Variants in ATP8A2 observed in about 807,000 individuals in gnomAD.
ATP8A2 encodes the protein phospholipid-transporting ATPase IB.
In ATP8A2, 100 loss-of-function variants were observed where a neutral mutation model predicts 165.6. That is an observed-to-expected ratio of 0.60 (90% confidence interval 0.51 to 0.71). The LOEUF (loss-of-function observed/expected upper bound fraction) is 0.71, where lower values mean the gene tolerates loss of function less well. Among genes scored for constraint, ATP8A2 ranks in the 30% least tolerant of loss-of-function variants. The pLI is 0.00. For synonymous variants in ATP8A2, 543 were observed against 548.8 expected (o/e 0.99, Z 0.15); for missense variants, 1,227 against 1,479.5 (o/e 0.83, Z 2.80).
At chr13:25,738,948 C>T (rs769130775) in intron 25 of ATP8A2, among the ~76,000 whole-genome samples, 9 of 152,190 alleles carry the variant, frequency 5.9e-5, no homozygotes, top group Non-Finnish European at 1.0e-4. Flanking sequence ...CAGAAGTCAA[C>T]TTATCCTTGT....
intron 24 of ATP8A2, among the ~76,000 whole-genome samples, chr13:25,643,136 A>G (rs1224577198): frequency 6.6e-6 from 1 of 152,212 alleles, no homozygotes; most frequent in Non-Finnish European, 1.5e-5. Flanking sequence ...TGGGCGCAGC[A>G]CACCAACATG....
intron 33 of ATP8A2, among the ~76,000 whole-genome samples, chr13:25,869,815 G>T (rs1352008136): frequency 6.6e-6 from 1 of 152,214 alleles, no homozygotes; most frequent in East Asian, 1.9e-4. Context: ...TAGTGTCTAG[G>T]GGTGAATGTT....
intron 1 of ATP8A2, among the ~76,000 whole-genome samples, chr13:25,403,642 C>T (rs1261422012): frequency 6.6e-6 from 1 of 152,306 alleles, no homozygotes; most frequent in East Asian, 1.9e-4. Flanking sequence ...GTGGTTGCCT[C>T]TATCTGTGTG....
chr13:25,799,718 T>C (rs1328555063), intron 27 of ATP8A2, among the ~76,000 whole-genome samples: 1 of 152,322 alleles, frequency 6.6e-6, no homozygotes, highest in Admixed American at 6.5e-5. Flanking sequence ...CATGGATTTT[T>C]AAGGACTCCC....
chr13:25,448,443 A>C (rs2035127035), intron 1 of ATP8A2, among the ~76,000 whole-genome samples: 2 of 152,154 alleles, frequency 1.3e-5, no homozygotes. Context: ...AAAATAAATC[A>C]CTCTGAATAA....
chr13:25,509,782 A>G (rs2037163052), intron 2 of ATP8A2, among the ~76,000 whole-genome samples: 1 of 152,248 alleles, frequency 6.6e-6, no homozygotes, highest in Non-Finnish European at 1.5e-5. Flanking sequence ...TAAACATTTT[A>G]GAATTACTTA....
intron 25 of ATP8A2, among the ~76,000 whole-genome samples, chr13:25,713,560 T>C (rs542846975): frequency 6.6e-6 from 1 of 152,346 alleles, no homozygotes; most frequent in South Asian, 2.1e-4. Flanking sequence ...AAAGTCTTTC[T>C]TGAATCTAGT....
At chr13:25,551,085 A>G (rs749980176) in intron 10 of ATP8A2, among the ~76,000 whole-genome samples, 7 of 152,222 alleles carry the variant, frequency 4.6e-5, no homozygotes, top group Non-Finnish European at 1.0e-4. Context: ...ATATAATCAT[A>G]AGAAGTACAG....
chr13:25,711,779 A>G (rs1011884293), intron 25 of ATP8A2, among the ~76,000 whole-genome samples: 2 of 152,186 alleles, frequency 1.3e-5, no homozygotes. Context: ...ATTTATAGTC[A>G]TTTAAGAGTT....
At chr13:25,755,290 A>G (rs1285189181) in intron 25 of ATP8A2, among the ~76,000 whole-genome samples, 1 of 152,170 alleles carries the variant, frequency 6.6e-6, no homozygotes, top group African/African-American at 2.4e-5. Context: ...TCACCCAGGG[A>G]CAAAGCTACA....
chr13:25,571,662 C>T lies in ATP8A2; in HGVS notation c.1632C>T (p.Ala544=). 6.2e-7 allele frequency: 1 copy of T among 1,614,072 alleles called. No homozygotes were observed. Among genetic ancestry groups the T allele is most frequent in the South Asian group, 1.1e-5 (1 of 91,072 alleles). The change falls in exon 18 of 37, where the codon GCC becomes GCT. Residue 544 remains alanine, a synonymous_variant. Transcript: ENST00000381655. ...AAAAGCTGGGCTTTGTCTTCACAGC[C>T]AGAACACCATTCTCAGTCATCATAG... ...GAKKLGFVFT[A]RTPFSVIIEA... is the part of the protein sequence containing the mutation.
At chr13:25,646,922 A>T (rs1258193137) in intron 24 of ATP8A2, among the ~76,000 whole-genome samples, 1 of 152,120 alleles carries the variant, frequency 6.6e-6, no homozygotes, top group Non-Finnish European at 1.5e-5. Context: ...TGTAGTTACT[A>T]TAAGGTTCAC....
chr13:25,740,889 C>G (rs2419337), intron 25 of ATP8A2, among the ~76,000 whole-genome samples: 6 of 152,046 alleles, frequency 3.9e-5, no homozygotes, highest in Admixed American at 3.9e-4. Flanking sequence ...CGTGTTATCT[C>G]AAAAGGCTGA....
intron 24 of ATP8A2, among the ~76,000 whole-genome samples, chr13:25,697,037 G>A (rs554265448): frequency 3.1e-4 from 47 of 152,326 alleles, no homozygotes; most frequent in African/African-American, 8.7e-4. Flanking sequence ...ACAGAGGCAC[G>A]AAGTGAGCCG....
At chr13:25,528,248 C>G (rs1047072318) in intron 2 of ATP8A2, among the ~76,000 whole-genome samples, 8 of 152,208 alleles carry the variant, frequency 5.3e-5, no homozygotes, top group African/African-American at 1.2e-4. Context: ...CAGGGATAGT[C>G]TTTCAAGTTA....
intron 25 of ATP8A2, among the ~76,000 whole-genome samples, chr13:25,757,201 C>T (rs1223852414): frequency 1.2e-4 from 18 of 152,150 alleles, no homozygotes; most frequent in Admixed American, 1.1e-3. Flanking sequence ...TTTATCACCT[C>T]GGACCATTGG....
At chr13:25,870,153 T>C (rs1056304681) in intron 33 of ATP8A2, among the ~76,000 whole-genome samples, 1 of 152,180 alleles carries the variant, frequency 6.6e-6, no homozygotes, top group African/African-American at 2.4e-5. Flanking sequence ...ATTCTGGCGA[T>C]AGGTGGCCTG....
intron 2 of ATP8A2, among the ~76,000 whole-genome samples, chr13:25,526,395 G>A (rs1040089052): frequency 6.6e-6 from 1 of 152,144 alleles, no homozygotes; most frequent in Non-Finnish European, 1.5e-5. Flanking sequence ...TGGAGAATTA[G>A]TTAGTTATTT....
chr13:25,944,610 C>G (rs1955157887), intron 33 of ATP8A2: 1 of 152,232 alleles, frequency 6.6e-6, no homozygotes, highest in Non-Finnish European at 1.5e-5. Flanking sequence ...ATGGTGACCT[C>G]CTGGGAGCAG....
Sources: gnomAD v4.1 joint callset for allele counts (sites outside exome capture counted in the v4.1 genomes callset) on GRCh38, gnomAD v4.1.1 for gene constraint, MANE v1.5 for transcripts, NCBI Gene and HGNC (gene_info 2026-07-23, HGNC 2026-07-21) for gene names.